Variants in XIRP2 observed in about 807,000 individuals in gnomAD.
XIRP2 encodes xin actin-binding repeat-containing protein 2.
In XIRP2, 236 loss-of-function variants were observed where a neutral mutation model predicts 277.0. The observed-to-expected ratio is 0.85, with a 90% confidence interval of 0.77 to 0.95. The LOEUF (loss-of-function observed/expected upper bound fraction) is 0.95, where lower values mean the gene tolerates loss of function less well. Ranked by LOEUF, XIRP2 falls within the 40% of genes least tolerant of loss-of-function variation. XIRP2 has a pLI of 0.00. For synonymous variants in XIRP2, 1,490 were observed against 1,416.5 expected (o/e 1.05, Z -1.17); for missense variants, 4,640 against 4,157.5 (o/e 1.12, Z -3.19).
chr2:166,994,490 ATT>A (rs1687151864), intron 2 of XIRP2, among the ~76,000 whole-genome samples: 1 of 86,944 alleles, frequency 1.2e-5, no homozygotes. Context: ...AAAAAAAAAA[ATT>A]AAAAAAAAAA....
intron 2 of XIRP2, among the ~76,000 whole-genome samples, chr2:166,936,019 G>A (rs1157373419): frequency 6.6e-6 from 1 of 152,160 alleles, no homozygotes; most frequent in Non-Finnish European, 1.5e-5. Flanking sequence ...CCAGTTTGCA[G>A]TCCCACCAAC....
In XIRP2 at chr2:167,248,081, A is replaced by G; in HGVS notation, c.6689A>G (p.Lys2230Arg). 1 of 1,613,596 alleles carries G rather than the reference A, an allele frequency of 6.2e-7. No homozygotes were observed. Residue 2230 changes from lysine to arginine, a missense_variant, in exon 9 of 11, where the codon AAA (lysine) becomes AGA (arginine). By Grantham distance (26) the Lys-to-Arg change is conservative. Transcript: ENST00000409195. ...GTAACAGAAATGAAAGTCTCTGAAA[A>G]AAGTCACAATACATTTAAGGCAACC... ...SNVTEMKVSE[K>R]SHNTFKATNK...
At chr2:167,218,667 G>A (rs1383560548) in intron 5 of XIRP2, among the ~76,000 whole-genome samples, 1 of 152,140 alleles carries the variant, frequency 6.6e-6, no homozygotes, top group African/African-American at 2.4e-5. Flanking sequence ...CTAGCTGCTG[G>A]TTATTTGCAT....
At position 167,246,600 on chromosome 2, in the gene XIRP2, T is replaced by G. The variant is rs1193833801; in HGVS notation, c.5208T>G (p.Asp1736Glu). The change falls in exon 9 of 11, where the codon GAT (aspartate) becomes GAG (glutamate). Residue 1736 changes from aspartate to glutamate, a missense_variant. Transcript: ENST00000409195. The part of the protein sequence containing the change: ...NNKISERAKI[D>E]ASERGNVQFF... ...AAATATCTGAAAGGGCTAAAATTGA[T>G]GCCTCTGAGAGAGGAAATGTTCAGT... 1.2e-6 allele frequency: 2 copies of G among 1,613,682 alleles called. No individual in the cohort carries two copies. Among genetic ancestry groups the G allele is most frequent in the Admixed American group, 3.3e-5 (2 of 59,934 alleles).
intron 2 of XIRP2, among the ~76,000 whole-genome samples, chr2:167,127,724 A>T (rs2105310383): frequency 6.6e-6 from 1 of 152,324 alleles, no homozygotes; most frequent in South Asian, 2.1e-4. Context: ...CAAACTCAAC[A>T]TGTCAAAAAC....
intron 2 of XIRP2, among the ~76,000 whole-genome samples, chr2:167,050,056 T>TCC (rs557746562): frequency 7.4e-4 from 112 of 152,204 alleles, no homozygotes; most frequent in African/African-American, 2.6e-3. Flanking sequence ...TTCTTCCACT[T>TCC]CAACACTTGA....
At position 167,075,623 on chromosome 2, in the gene XIRP2, T is replaced by C. The variant is rs1315015942; in HGVS notation, c.409-60286T>C. On this transcript the variant is annotated intron_variant, in intron 2 of 10. Transcript: ENST00000409195. Reference sequence around the variant, plus strand: ...AGCCAGGACCAATATTTATAAGAGATTTAAGAATTCTGTTGTCTCTTTTAG... The same window carrying C: ...AGCCAGGACCAATATTTATAAGAGACTTAAGAATTCTGTTGTCTCTTTTAG... 6.6e-5 allele frequency among the ~76,000 whole-genome samples: 10 copies of C among 152,254 alleles called. No individual in the cohort carries two copies. The East Asian group carries it at 1.7e-3, about 26-fold the overall frequency.
chr2:167,113,234 A>G (rs941195880), intron 2 of XIRP2, among the ~76,000 whole-genome samples: 6 of 152,054 alleles, frequency 3.9e-5, no homozygotes, highest in Non-Finnish European at 8.8e-5. Context: ...TTTGTCCAAT[A>G]TTGTCAGTGG....
At chr2:167,164,121 A>G (rs1692452713) in intron 3 of XIRP2, among the ~76,000 whole-genome samples, 1 of 152,138 alleles carries the variant, frequency 6.6e-6, no homozygotes, top group African/African-American at 2.4e-5. Context: ...AAAAGAATAT[A>G]TTGTTTTCCA....
intron 2 of XIRP2, among the ~76,000 whole-genome samples, chr2:167,113,246 G>T (rs567781909): frequency 6.6e-6 from 1 of 152,204 alleles, no homozygotes; most frequent in African/African-American, 2.4e-5. Flanking sequence ...TGTCAGTGGC[G>T]TGTTAAAGTC....
chr2:167,074,624 A>G (rs1454672605), intron 2 of XIRP2, among the ~76,000 whole-genome samples: 1 of 139,240 alleles, frequency 7.2e-6, no homozygotes, highest in African/African-American at 3.1e-5. Flanking sequence ...GTGTGTGTGC[A>G]TGTGTGTGTG....
intron 2 of XIRP2, among the ~76,000 whole-genome samples, chr2:167,084,905 T>G (rs537722723): frequency 6.6e-6 from 1 of 151,422 alleles, no homozygotes; most frequent in African/African-American, 2.4e-5. Context: ...CCTGGATTCA[T>G]TAATTTTTTG....
In XIRP2 at chr2:167,226,217, C is replaced by CTTGCA. The variant is rs112808513; in HGVS notation, c.858+7920_858+7924dup. On this transcript the variant is annotated intron_variant, in intron 5 of 10. Transcript: ENST00000409195. The stretch of plus-strand genomic sequence containing the variant: ...CAGGAATTGACTTTTTTTCACTACT[C>CTTGCA]TTGCATTCAAAATTATCTTTGCCAT... Among the ~76,000 whole-genome samples the CTTGCA allele has an allele frequency of 1.1e-3, 162 of 152,272 alleles. 1 individual carries two copies. The highest frequency in any genetic ancestry group is 3.7e-3 in the African/African-American group (155 of 41,556).
chr2:167,195,235 A>T (rs1409424397), intron 3 of XIRP2, among the ~76,000 whole-genome samples: 8 of 152,148 alleles, frequency 5.3e-5, no homozygotes, highest in Admixed American at 5.2e-4. Flanking sequence ...ACTTTCTGTT[A>T]TCCTTGGTGA....
intron 3 of XIRP2, among the ~76,000 whole-genome samples, chr2:167,191,475 A>G (rs1217205203): frequency 6.6e-6 from 1 of 151,958 alleles, no homozygotes; most frequent in African/African-American, 2.4e-5. Flanking sequence ...GACTCCGGAT[A>G]CATTTCCAAG....
intron 2 of XIRP2, among the ~76,000 whole-genome samples, chr2:166,996,050 T>C (rs1280484960): frequency 6.6e-6 from 1 of 152,216 alleles, no homozygotes; most frequent in Non-Finnish European, 1.5e-5. Context: ...TACCAATCAC[T>C]GTTTTATAAA....
At chr2:167,046,823 C>CT (rs1688798965) in intron 2 of XIRP2, among the ~76,000 whole-genome samples, 2 of 151,928 alleles carry the variant, frequency 1.3e-5, no homozygotes, top group South Asian at 4.1e-4. Context: ...CCTCTTAGTG[C>CT]TGAGCTCACT....
chr2:167,254,226 C>T (rs1281048201), intron 10 of XIRP2, 61 bp downstream of exon 10: 17 of 1,530,868 alleles, frequency 1.1e-5, no homozygotes, highest in Admixed American at 4.0e-5. Flanking sequence ...TGTATAGCCT[C>T]ATATCTCTAG....
At chr2:167,055,871 A>G (rs1689025072) in intron 2 of XIRP2, among the ~76,000 whole-genome samples, 1 of 152,158 alleles carries the variant, frequency 6.6e-6, no homozygotes, top group Non-Finnish European at 1.5e-5. Flanking sequence ...TTTCCCCTGG[A>G]CTATATACCC....
Sources: allele counts gnomAD v4.1 joint callset (sites outside exome capture counted in the v4.1 genomes callset), GRCh38; gene constraint gnomAD v4.1.1; transcripts MANE v1.5; gene names NCBI Gene and HGNC (gene_info 2026-07-23, HGNC 2026-07-21).